The following VASH1 variants were observed in gnomAD, a reference collection of about 807,000 sequenced individuals.
VASH1 encodes tubulinyl-Tyr carboxypeptidase 1.
Under a neutral mutation model 35.0 loss-of-function variants are expected in VASH1, and 16 were observed. The ratio of observed to expected loss-of-function variants is 0.46; its 90% CI spans 0.31 to 0.70. The LOEUF (loss-of-function observed/expected upper bound fraction) is 0.70. VASH1 is among the 30% of genes least tolerant of loss of function. The probability of loss-of-function intolerance (pLI) is 0.05; values close to 1 mark genes in which losing one functional copy is unlikely to be tolerated. For synonymous variants in VASH1, 214 were observed against 200.9 expected, an observed-to-expected ratio of 1.07 and a Z score of -0.55; for missense variants, 505 against 510.7, an observed-to-expected ratio of 0.99 and a Z score of 0.11.
In VASH1 at chr14:76,763,198, AGCCACACTCTC is replaced by A. The variant is rs1226192737; in HGVS notation, c.309+69_309+79del. ...TTAGTGACCTTGGGGCCAAGAGTGAAGCCACACTCTCCTCCCACGGGGCAGGGGACCACTGG... is the reference window on the plus strand; with the variant it reads ...TTAGTGACCTTGGGGCCAAGAGTGAACTCCCACGGGGCAGGGGACCACTGG... On this transcript the variant is annotated intron_variant, in intron 1 of 6. Transcript: ENST00000167106. The A allele has an allele frequency of 1.1e-4, 148 of 1,329,228 alleles. No homozygotes were observed. The Middle Eastern group carries it at 3.3e-3, about 30-fold the overall frequency. 82.3% of individuals were successfully genotyped at this position (1,329,228 alleles called of 1,614,324 possible).
At chr14:76,766,159 C>T (rs2140173972) in intron 1 of VASH1, among the ~76,000 whole-genome samples, 1 of 152,300 alleles carries the variant, frequency 6.6e-6, no homozygotes, top group South Asian at 2.1e-4. Context: ...CATCGACACC[C>T]CACTAGCGCT....
chr14:76,777,849 T>C lies in VASH1; in HGVS notation c.913-110T>C. ...GACAGGGAAGAGCCATGCTTGAGGT[T>C]CCCCGGGCCTTCCCCAGGGCAGCCT... is the stretch of plus-strand genomic sequence containing the variant. On this transcript the variant is annotated intron_variant, in intron 5 of 6. Transcript: ENST00000167106. 5.6e-6 allele frequency: 4 copies of C among 709,926 alleles called. No individual in the cohort carries two copies. The Middle Eastern group carries it at 1.0e-3, about 181-fold the overall frequency. 44.0% of individuals were successfully genotyped at this position (709,926 alleles called of 1,614,324 possible).
chr14:76,778,044 A>G lies in VASH1; in HGVS notation c.998A>G (p.His333Arg), dbSNP rs1219902007. 1 of 1,517,216 alleles carries G rather than the reference A, an allele frequency of 6.6e-7. No homozygotes were observed. The highest frequency in any genetic ancestry group is 8.8e-7 in the Non-Finnish European group (1 of 1,133,336). The allele number at this position is 1,517,216 out of a possible 1,614,324, so 94.0% of individuals were successfully genotyped here. ...SSPQRAQSSP[H>R]RRNSRSERRP... The stretch of plus-strand genomic sequence containing the variant: ...CCGCAGCGGGCCCAGTCCAGCCCCC[A>G]CCGCAGGAACAGCCGCAGTGAAAGA... Residue 333 changes from histidine (H) to arginine (R), a missense_variant, in exon 6 of 7, where the codon CAC becomes CGC. Coordinates refer to ENST00000167106, the MANE Select transcript of VASH1 (RefSeq NM_014909.5).
intron 3 of VASH1, 63 bp from the exon 4 acceptor site, chr14:76,773,071 CCTT>C (rs1198164704): frequency 8.5e-6 from 13 of 1,530,284 alleles, no homozygotes; most frequent in South Asian, 4.7e-5. Flanking sequence ...CCTGCCCCCT[CCTT>C]CTCACATTCC....
intron 2 of VASH1, among the ~76,000 whole-genome samples, 169 bp from the exon 3 acceptor site, chr14:76,771,021 G>T (rs774144254): frequency 6.6e-6 from 1 of 152,230 alleles, no homozygotes; most frequent in African/African-American, 2.4e-5. Context: ...AGAAAGCCAA[G>T]GAGGGTGAGG....
intron 6 of VASH1, 24 bp downstream of exon 6, chr14:76,778,095 T>G (rs201371080): frequency 1.4e-6 from 2 of 1,430,064 alleles, no homozygotes; most frequent in East Asian, 6.0e-5. Flanking sequence ...CACGCCTGGG[T>G]GGGTCCAAAG....
intron 4 of VASH1, chr14:76,773,822 C>G (rs1052081130): frequency 6.6e-6 from 1 of 152,576 alleles, no homozygotes; most frequent in Non-Finnish European, 1.5e-5. Flanking sequence ...GGCTGGTTCT[C>G]CATCCTAACT....
intron 1 of VASH1, among the ~76,000 whole-genome samples, chr14:76,768,422 C>G (rs572252057): frequency 6.6e-6 from 1 of 152,128 alleles, no homozygotes; most frequent in Non-Finnish European, 1.5e-5. Context: ...TAGGGACTCC[C>G]CAGACAGGAA....
At chr14:76,768,307 A>C (rs1056177295) in intron 1 of VASH1, among the ~76,000 whole-genome samples, 7 of 152,138 alleles carry the variant, frequency 4.6e-5, no homozygotes, top group African/African-American at 1.7e-4. Context: ...TGGTGACTGT[A>C]AGTGGTGGTG....
chr14:76,773,851 A>G (rs1430540844), intron 4 of VASH1: 1 of 152,252 alleles, frequency 6.6e-6, no homozygotes, highest in Non-Finnish European at 1.5e-5. Context: ...CCTGAGCCCT[A>G]CCTTTTCTTC....
intron 5 of VASH1, among the ~76,000 whole-genome samples, chr14:76,777,518 T>G (rs61992272): frequency 0.057 from 8,719 of 152,188 alleles, 281 homozygotes; most frequent in African/African-American, 0.079. Flanking sequence ...AAAGGATGAC[T>G]CTTTTGTTTT....
At position 76,761,904 on chromosome 14, in the gene VASH1, C is replaced by T. The variant is rs139963277; in HGVS notation, c.-918C>T. ...TGACCTCAGCCTGGCCCCTGCGCGC[C>T]GCCCGAGCCGGTCCCGCTGAGCCGC... is the stretch of plus-strand genomic sequence containing the variant. On this transcript the variant is annotated 5_prime_UTR_variant, in exon 1 of 7. Transcript: ENST00000167106. Among the ~76,000 whole-genome samples, 2,716 of 151,806 alleles carry T rather than the reference C, an allele frequency of 0.018. 82 individuals carry two copies. The highest frequency in any genetic ancestry group is 0.062 in the African/African-American group (2,578 of 41,496).
intron 4 of VASH1, 163 bp downstream of exon 4, chr14:76,773,374 C>T: frequency 4.4e-6 from 3 of 685,048 alleles, no homozygotes; most frequent in Non-Finnish European, 4.8e-6. Context: ...AGTGGAAGAA[C>T]CCCCCAAAAT....
intron 3 of VASH1, 146 bp from the exon 4 acceptor site, chr14:76,772,991 G>C (rs2140182103): frequency 1.5e-6 from 1 of 654,608 alleles, no homozygotes; most frequent in South Asian, 2.4e-5. Flanking sequence ...GGAGTGTGGA[G>C]GGAGGTGCTG....
chr14:76,766,346 G>T (rs996986024), intron 1 of VASH1, among the ~76,000 whole-genome samples: 3 of 152,214 alleles, frequency 2.0e-5, no homozygotes, highest in Non-Finnish European at 4.4e-5. Flanking sequence ...GCTGCTGAAG[G>T]TCTTTTATGG....
chr14:76,764,698 T>C (rs1893596096), intron 1 of VASH1, among the ~76,000 whole-genome samples: 1 of 151,656 alleles, frequency 6.6e-6, no homozygotes, highest in African/African-American at 2.4e-5. Flanking sequence ...TTTTTTTTTT[T>C]TTTTTGAGAT....
At position 76,762,684 on chromosome 14, in the gene VASH1, A is replaced by C. The variant is rs1451282969; in HGVS notation, c.-138A>C. ...GATTTTTTTTATCAAGTCGTATTTTATTGTACAGGAGCCACGCCCTGATTT... is the reference window on the plus strand; with the variant it reads ...GATTTTTTTTATCAAGTCGTATTTTCTTGTACAGGAGCCACGCCCTGATTT... On this transcript the variant is annotated 5_prime_UTR_variant, in exon 1 of 7. Transcript: ENST00000167106. 3.0e-6 allele frequency: 2 copies of C among 667,722 alleles called. No homozygotes were observed. The highest frequency in any genetic ancestry group is 8.1e-5 in the Admixed American group (2 of 24,714). The allele number at this position is 667,722 out of a possible 1,614,324, so 41.4% of individuals were successfully genotyped here. A position where few individuals can be genotyped will look rare whatever the true frequency, so the allele number is the denominator to read the frequency against.
At chr14:76,774,097 G>C (rs966579257) in intron 4 of VASH1, among the ~76,000 whole-genome samples, 2 of 152,214 alleles carry the variant, frequency 1.3e-5, no homozygotes, top group Non-Finnish European at 2.9e-5. Flanking sequence ...CCAAGAGGGT[G>C]ACGGGGAGGG....
chr14:76,778,892 A>G, intron 6 of VASH1, 54 bp from the exon 7 acceptor site: 1 of 1,577,542 alleles, frequency 6.3e-7, no homozygotes. Context: ...CCCCAACTCC[A>G]TCTCCCTAAC....
Sources: allele counts gnomAD v4.1 joint callset (sites outside exome capture counted in the v4.1 genomes callset), GRCh38; gene constraint gnomAD v4.1.1; transcripts MANE v1.5; gene names NCBI Gene and HGNC (gene_info 2026-07-23, HGNC 2026-07-21).